Variants in MAF observed in about 807,000 individuals in gnomAD.
MAF encodes the protein MAF bZIP transcription factor.
A neutral mutation model predicts 22.0 loss-of-function variants in MAF; 10 were observed. That is an observed-to-expected ratio of 0.45 (90% confidence interval 0.28 to 0.77). The LOEUF (loss-of-function observed/expected upper bound fraction) is 0.77, where lower values mean the gene tolerates loss of function less well. Ranked by LOEUF, MAF falls within the 30% of genes least tolerant of loss-of-function variation. MAF has a pLI of 0.12. For synonymous variants in MAF, 337 were observed against 255.8 expected (o/e 1.32, Z -3.03); for missense variants, 544 against 548.4 (o/e 0.99, Z 0.08).
chr16:79,228,938 G>A, the MAF span, among the ~76,000 whole-genome samples: 5 of 152,012 alleles, frequency 3.3e-5, no homozygotes, highest in East Asian at 9.7e-4. Flanking sequence ...GTCTGAGACA[G>A]GGCACGGTGG....
chr16:79,559,271 C>A, the MAF span, among the ~76,000 whole-genome samples: 6 of 152,142 alleles, frequency 3.9e-5, no homozygotes, highest in Non-Finnish European at 8.8e-5. Context: ...CTGTTAGAAG[C>A]AGACAGCAGT....
At chr16:79,543,310 G>A in the MAF span, among the ~76,000 whole-genome samples, 1 of 152,202 alleles carries the variant, frequency 6.6e-6, no homozygotes, top group Non-Finnish European at 1.5e-5. Context: ...AGGGAGAACT[G>A]GGGATCAATC....
the MAF span, among the ~76,000 whole-genome samples, chr16:79,258,054 C>T: frequency 2.5e-3 from 377 of 152,238 alleles, 1 homozygote; most frequent in African/African-American, 8.9e-3. Context: ...CAGATAACAT[C>T]GCGTCTCAGC....
At chr16:79,289,119 G>C in the MAF span, among the ~76,000 whole-genome samples, 1 of 152,144 alleles carries the variant, frequency 6.6e-6, no homozygotes, top group African/African-American at 2.4e-5. Flanking sequence ...GCCATGCAAG[G>C]ACTTGTATTC....
chr16:79,475,039 G>A, the MAF span, among the ~76,000 whole-genome samples: 1 of 152,230 alleles, frequency 6.6e-6, no homozygotes, highest in Non-Finnish European at 1.5e-5. Context: ...GTAAGGCAGT[G>A]CACACATGGC....
chr16:79,442,486 G>A, the MAF span, among the ~76,000 whole-genome samples: 9 of 151,506 alleles, frequency 5.9e-5, no homozygotes, highest in East Asian at 1.9e-4. Flanking sequence ...ATCCTCCCAC[G>A]TTGGCACCCC....
the MAF span, among the ~76,000 whole-genome samples, chr16:79,562,992 G>A: frequency 6.6e-6 from 1 of 152,172 alleles, no homozygotes; most frequent in Non-Finnish European, 1.5e-5. Flanking sequence ...TGGTCAGCAG[G>A]TTCATTTGTG....
chr16:79,296,713 AAACAGAAACCTC>A, the MAF span, among the ~76,000 whole-genome samples: 1 of 151,900 alleles, frequency 6.6e-6, no homozygotes, highest in African/African-American at 2.4e-5. Flanking sequence ...GGGTTAAGGG[AAACAGAAACCTC>A]AGGCCTCAGA....
At chr16:79,481,599 C>A in the MAF span, among the ~76,000 whole-genome samples, 5 of 152,064 alleles carry the variant, frequency 3.3e-5, no homozygotes, top group East Asian at 7.7e-4. Flanking sequence ...CATCCATCAA[C>A]CCAGGTATCC....
chr16:79,481,844 T>A, the MAF span, among the ~76,000 whole-genome samples: 2 of 152,174 alleles, frequency 1.3e-5, no homozygotes, highest in African/African-American at 2.4e-5. Flanking sequence ...GAAGCCTCCA[T>A]CTGGGTAGGG....
chr16:79,294,407 G>C, the MAF span, among the ~76,000 whole-genome samples: 2 of 152,156 alleles, frequency 1.3e-5, no homozygotes, highest in South Asian at 4.1e-4. Flanking sequence ...ACAAGCTCTT[G>C]ACTACGTGTG....
the MAF span, among the ~76,000 whole-genome samples, chr16:79,493,795 C>A: frequency 3.9e-5 from 6 of 152,172 alleles, no homozygotes; most frequent in East Asian, 9.7e-4. Flanking sequence ...GACATCAATA[C>A]TTCCTGAGAA....
the MAF span, among the ~76,000 whole-genome samples, chr16:79,472,006 T>G: frequency 6.6e-6 from 1 of 152,138 alleles, no homozygotes; most frequent in African/African-American, 2.4e-5. Flanking sequence ...TCCACAGCAA[T>G]TTTTCCTTGC....
chr16:79,519,606 G>T, the MAF span, among the ~76,000 whole-genome samples: 1 of 152,164 alleles, frequency 6.6e-6, no homozygotes, highest in Non-Finnish European at 1.5e-5. Context: ...CCATCCACTG[G>T]CCCTTGGAGA....
At chr16:79,207,140 G>T in the MAF span, among the ~76,000 whole-genome samples, 1 of 152,132 alleles carries the variant, frequency 6.6e-6, no homozygotes, top group Non-Finnish European at 1.5e-5. Flanking sequence ...GTGACATGAG[G>T]GCTCACCCCC....
chr16:79,311,011 C>A, the MAF span, among the ~76,000 whole-genome samples: 2 of 146,940 alleles, frequency 1.4e-5, no homozygotes, highest in Non-Finnish European at 3.0e-5. Flanking sequence ...GCTGCGGCTG[C>A]TTTTTCATTT....
At chr16:79,565,505 G>GT in the MAF span, among the ~76,000 whole-genome samples, 51 of 142,578 alleles carry the variant, frequency 3.6e-4, no homozygotes, top group Middle Eastern at 3.7e-3. Flanking sequence ...TTCACGTGTT[G>GT]TGGGGGGGGG....
At chr16:79,391,642 G>A in the MAF span, among the ~76,000 whole-genome samples, 1 of 152,140 alleles carries the variant, frequency 6.6e-6, no homozygotes, top group African/African-American at 2.4e-5. Context: ...GTCCCCCCGG[G>A]GTCGGCTTCC....
the MAF span, among the ~76,000 whole-genome samples, chr16:79,260,148 T>C: frequency 6.6e-6 from 1 of 152,332 alleles, no homozygotes; most frequent in South Asian, 2.1e-4. Context: ...TATCTTATTT[T>C]GTTTGGTGTT....
Sources: allele counts gnomAD v4.1 joint callset (sites outside exome capture counted in the v4.1 genomes callset), GRCh38; gene constraint gnomAD v4.1.1; transcripts MANE v1.5; gene names NCBI Gene and HGNC (gene_info 2026-07-23, HGNC 2026-07-21).